ARAP1: variants seen among roughly 807,000 people sequenced by gnomAD.
ARAP1 encodes ArfGAP with RhoGAP domain, ankyrin repeat and PH domain 1.
Under a neutral mutation model 172.2 loss-of-function variants are expected in ARAP1, and 76 were observed. The ratio of observed to expected loss-of-function variants is 0.44; its 90% CI spans 0.37 to 0.53. The LOEUF (loss-of-function observed/expected upper bound fraction) is 0.53. Ranked by LOEUF, ARAP1 falls within the 20% of genes least tolerant of loss-of-function variation. ARAP1 has a pLI of 0.00. For synonymous variants in ARAP1, 804 were observed against 803.3 expected, an observed-to-expected ratio of 1.00 and a Z score of -0.01; for missense variants, 1,686 against 1,977.5, an observed-to-expected ratio of 0.85 and a Z score of 2.80.
At chr11:72,704,588 T>G (rs1476583705) in intron 13 of ARAP1, 1 of 462,272 alleles carries the variant, frequency 2.2e-6, no homozygotes, top group Non-Finnish European at 3.8e-6. Context: ...GGTGGATGCC[T>G]CAGGCCTTGC....
chr11:72,712,741 G>A, intron 5 of ARAP1, 173 bp from the exon 6 acceptor site: 2 of 1,070,630 alleles, frequency 1.9e-6, no homozygotes, highest in South Asian at 2.9e-5. Context: ...CAGAGACCCA[G>A]ATCACAGGGA....
chr11:72,713,998 G>A (rs576187100), intron 4 of ARAP1, among the ~76,000 whole-genome samples, 154 bp downstream of exon 4: 5 of 152,150 alleles, frequency 3.3e-5, no homozygotes, highest in Non-Finnish European at 7.4e-5. Flanking sequence ...AGAGAATAGC[G>A]CTCAGGGAGG....
Position 72,699,641 on chromosome 11 carries a change from C to T in ARAP1, c.2303-89G>A. ...ATCCTCCCGGGGCTCCTGCTCCCAT[C>T]TGACCCATGAGCTCTTCATTCTCTC... On this transcript the variant is annotated intron_variant, in intron 16 of 34. Coordinates refer to ENST00000393609, the MANE Select transcript of ARAP1 (RefSeq NM_001040118.3). The surrounding 1 kb of genome is among the most constrained non-coding windows in gnomAD (Gnocchi z 4.2). 2.0e-6 allele frequency: 3 copies of T among 1,500,388 alleles called. No homozygotes were observed. Among genetic ancestry groups the T allele is most frequent in the Admixed American group, 4.1e-5 (2 of 49,272 alleles). 92.9% of individuals were successfully genotyped at this position (1,500,388 alleles called of 1,614,324 possible). A position where few individuals can be genotyped will look rare whatever the true frequency, so the allele number is the denominator to read the frequency against.
In ARAP1 at chr11:72,686,204, G is replaced by C. The variant is rs956996519; in HGVS notation, c.4186-13C>G. 6.2e-7 allele frequency: 1 copy of C among 1,608,462 alleles called. No individual in the cohort carries two copies. Among genetic ancestry groups the C allele is most frequent in the Admixed American group, 1.7e-5 (1 of 59,928 alleles). On this transcript the variant is annotated splice_polypyrimidine_tract_variant and intron_variant, in intron 33 of 34. Transcript: ENST00000393609. ...CCAGGCCGTCATGCTGGGGAGCAGAGAGGAAGGGGCTGGGCTCAGCTTCAG... is the reference window on the plus strand; with the variant it reads ...CCAGGCCGTCATGCTGGGGAGCAGACAGGAAGGGGCTGGGCTCAGCTTCAG...
intron 11 of ARAP1, chr11:72,708,209 TG>T (rs1856851749): frequency 6.6e-6 from 1 of 151,258 alleles, no homozygotes; most frequent in Non-Finnish European, 1.5e-5. Context: ...CTGCTGGAGG[TG>T]TGATGGCCAT....
intron 14 of ARAP1, 190 bp from the exon 15 acceptor site, chr11:72,703,269 G>A: frequency 1.6e-6 from 1 of 617,728 alleles, no homozygotes; most frequent in Non-Finnish European, 2.6e-6. Context: ...AGGGGAGGAG[G>A]GGTGAGCAGG....
rs945883579 is a variant in ARAP1 at position 72,726,156 on chromosome 11, A to T, written c.509+464T>A. On this transcript the variant is annotated intron_variant, in intron 3 of 34. Coordinates refer to ENST00000393609, the MANE Select transcript of ARAP1 (RefSeq NM_001040118.3). The surrounding 1 kb of genome is among the most constrained non-coding windows in gnomAD (Gnocchi z 6.5). ...GGGAGAAGGGGACAGGGTGTGAAAG[A>T]GCACACCACCAGGACCTGGGCAGTC... 1.3e-5 allele frequency among the ~76,000 whole-genome samples: 2 copies of T among 151,986 alleles called. No individual in the cohort carries two copies. The highest frequency in any genetic ancestry group is 4.8e-5 in the African/African-American group (2 of 41,368).
intron 13 of ARAP1, chr11:72,705,404 A>C (rs1323448051): frequency 6.0e-6 from 1 of 167,024 alleles, no homozygotes; most frequent in African/African-American, 2.4e-5. Flanking sequence ...GGGTAATCTC[A>C]GGCAGATTAC....
chr11:72,688,959 T>C (rs1855810921), intron 30 of ARAP1: 1 of 168,454 alleles, frequency 5.9e-6, no homozygotes, highest in Non-Finnish European at 1.3e-5. Flanking sequence ...AGAGCCTCGG[T>C]TGGCTGCCTG....
intron 2 of ARAP1, among the ~76,000 whole-genome samples, chr11:72,729,898 C>T (rs1210345116): frequency 6.6e-6 from 1 of 150,820 alleles, no homozygotes; most frequent in Non-Finnish European, 1.5e-5. Flanking sequence ...GCACTCCACC[C>T]TGGGCAACAG....
rs1461025129 is a variant in ARAP1, at chr11:72,713,237, G to C, written c.686C>G (p.Ser229Cys). 6.2e-7 allele frequency: 1 copy of C among 1,614,050 alleles called. No homozygotes were observed. ...CTCCTCTGGGACCTCATCGTAGTCA[G>C]AGTCATCTGGTGAGAGAGGGGTTGG... ...PVRLFPEFDDSDYDEVPEEGP... is the reference protein window; with the variant it reads ...PVRLFPEFDDCDYDEVPEEGP... The change falls in exon 5 of 35, where the codon TCT (serine) becomes TGT (cysteine). Residue 229 changes from serine (S) to cysteine (C), a missense_variant. Transcript: ENST00000393609.
At chr11:72,703,892 G>A (rs1856630785) in intron 14 of ARAP1, 1 of 526,808 alleles carries the variant, frequency 1.9e-6, no homozygotes, top group Non-Finnish European at 3.4e-6. Flanking sequence ...CGGGGTGCAG[G>A]AGACTGAGGA....
At position 72,697,912 on chromosome 11, in the gene ARAP1, A is replaced by G; in HGVS notation, c.2736T>C (p.Leu912=). 6.3e-7 allele frequency: 1 copy of G among 1,595,068 alleles called. No individual in the cohort carries two copies. The highest frequency in any genetic ancestry group is 1.1e-5 in the South Asian group (1 of 89,308). Residue 912 remains leucine, a splice_region_variant and synonymous_variant, in exon 19 of 35, where the codon CTT becomes CTC. Transcript: ENST00000393609. ...EPLQLRKLQE[L]SIQGDSENQV... is the part of the protein sequence containing the mutation. ...GGGGCCCAGGTCTGGTCCACGCACA[A>G]AGCTCCTGCAGTTTCCGTAGTTGCA...
In ARAP1 at chr11:72,686,119, C is replaced by T; in HGVS notation, c.4258G>A (p.Val1420Met). 8.7e-6 allele frequency: 14 copies of T among 1,614,050 alleles called. No homozygotes were observed. Among genetic ancestry groups the T allele is most frequent in the Non-Finnish European group, 1.2e-5 (14 of 1,180,042 alleles). The change falls in exon 34 of 35, where the codon GTG (valine) becomes ATG (methionine). Residue 1420 changes from valine to methionine, a missense_variant. This residue lies in a region of ARAP1 where 379 missense variants were observed against 500.1 expected (regional missense o/e 0.76). Transcript: ENST00000393609. Reference sequence around the variant, plus strand: ...CTACCTCGAAGGGGGATCAGTGACACACTACCCAGCCGGACCTCAGGCACT... The same window carrying T: ...CTACCTCGAAGGGGGATCAGTGACATACTACCCAGCCGGACCTCAGGCACT... ...RAVPEVRLGS[V>M]SLIPLRGSEN...
chr11:72,693,547 C>T lies in ARAP1; in HGVS notation c.3809-77G>A, dbSNP rs1206328677. The T allele has an allele frequency of 9.0e-6, 14 of 1,557,602 alleles. No homozygotes were observed. Among genetic ancestry groups the T allele is most frequent in the Non-Finnish European group, 1.0e-5 (12 of 1,149,160 alleles). ...CTGGGTCCCAGGATGAAGGAAGCTG[C>T]CCCATCCTGCCCCAGCCTCTCCATA... On this transcript the variant is annotated intron_variant, in intron 28 of 34. Coordinates refer to ENST00000393609, the MANE Select transcript of ARAP1 (RefSeq NM_001040118.3). This position sits in a 1 kb window ranked among gnomAD's most constrained non-coding sequence, Gnocchi z 4.6.
Position 72,711,415 on chromosome 11 carries a change from T to C in ARAP1, c.1092+15A>G. 1 of 1,610,890 alleles carries C rather than the reference T, an allele frequency of 6.2e-7. No homozygotes were observed. The highest frequency in any genetic ancestry group is 8.5e-7 in the Non-Finnish European group (1 of 1,177,258). ...GCTGGAGCAGGGGTCGCGTCAGGACTGATGCAGGCCTCACCTTGTTACTGT... is the reference window on the plus strand; with the variant it reads ...GCTGGAGCAGGGGTCGCGTCAGGACCGATGCAGGCCTCACCTTGTTACTGT... On this transcript the variant is annotated intron_variant, in intron 8 of 34. Coordinates refer to ENST00000393609, the MANE Select transcript of ARAP1 (RefSeq NM_001040118.3).
intron 27 of ARAP1, among the ~76,000 whole-genome samples, chr11:72,694,234 T>C (rs1425681619): frequency 6.6e-6 from 1 of 151,818 alleles, no homozygotes; most frequent in Non-Finnish European, 1.5e-5. Flanking sequence ...GACGAAACCA[T>C]GGCCTTCAAA....
chr11:72,737,822 C>T lies in ARAP1; in HGVS notation c.-127-5225G>A, dbSNP rs566208650. ...TACTTTTTGTAGAGATGGGGTTTTG[C>T]CACGTTGCCCAGGCTGGTCTCGAAC... On this transcript the variant is annotated intron_variant, in intron 1 of 34. Coordinates refer to ENST00000393609, the MANE Select transcript of ARAP1 (RefSeq NM_001040118.3). 3.6e-4 allele frequency among the ~76,000 whole-genome samples: 55 copies of T among 152,266 alleles called. 1 individual carries two copies. Among genetic ancestry groups the T allele is most frequent in the African/African-American group, 1.3e-3 (54 of 41,560 alleles).
In ARAP1 at chr11:72,695,765, C is replaced by G. The variant is rs1025205258; in HGVS notation, c.3373G>C (p.Gly1125Arg). 2 of 1,614,224 alleles carry G rather than the reference C, an allele frequency of 1.2e-6. No homozygotes were observed. The highest frequency in any genetic ancestry group is 1.7e-5 in the Admixed American group (1 of 60,022). The stretch of plus-strand genomic sequence containing the variant: ...TTAATGAGGTCTTCCACCACACGGC[C>G]AGCCTTGTAGTCCTGCCCATCTGTC... ...FQTDGQDYKA[G>R]RVVEDLINHY... is the part of the protein sequence containing the mutation. The change falls in exon 24 of 35, where the codon GGC becomes CGC. Residue 1125 changes from glycine (G) to arginine (R), a missense_variant. This residue lies in a region of ARAP1 where 379 missense variants were observed against 500.1 expected (regional missense o/e 0.76). Coordinates refer to ENST00000393609, the MANE Select transcript of ARAP1 (RefSeq NM_001040118.3). This position sits in a 1 kb window ranked among gnomAD's most constrained non-coding sequence, Gnocchi z 4.4.
Sources: gnomAD v4.1 joint callset for allele counts (sites outside exome capture counted in the v4.1 genomes callset) on GRCh38, gnomAD v4.1.1 for gene constraint, gnomAD v4.1.1 regional missense constraint, Gnocchi (gnomAD v3.1) non-coding constraint, MANE v1.5 for transcripts, NCBI Gene and HGNC (gene_info 2026-07-23, HGNC 2026-07-21) for gene names.